Variants in DEF6 observed in about 807,000 individuals in gnomAD.
DEF6 encodes differentially expressed in FDCP 6 homolog.
In DEF6, 32 loss-of-function variants were observed where a neutral mutation model predicts 80.5. That is an observed-to-expected ratio of 0.40 (90% CI 0.30 to 0.53). The LOEUF (loss-of-function observed/expected upper bound fraction) is 0.53, where lower values mean the gene tolerates loss of function less well. DEF6 is among the 20% of genes least tolerant of loss of function. DEF6 has a pLI of 0.57. For synonymous variants in DEF6, 300 were observed against 337.9 expected (o/e 0.89, Z 1.23); for missense variants, 575 against 818.7 (o/e 0.70, Z 3.63).
rs182472710 is a variant in DEF6 at position 35,314,089 on chromosome 6, G to A, written c.807+1317G>A. 1.1e-3 allele frequency among the ~76,000 whole-genome samples: 173 copies of A among 152,076 alleles called. 1 individual carries two copies. Among genetic ancestry groups the A allele is most frequent in the African/African-American group, 4.0e-3 (166 of 41,458 alleles). On this transcript the variant is annotated intron_variant, in intron 5 of 10. Coordinates refer to ENST00000316637, the MANE Select transcript of DEF6 (RefSeq NM_022047.4). ...TTTATCAGGGTTCCCCTTTCTCCACGTCTTCTCCAGCATCTTTTTACAGAA... is the reference window on the plus strand; with the variant it reads ...TTTATCAGGGTTCCCCTTTCTCCACATCTTCTCCAGCATCTTTTTACAGAA...
chr6:35,310,647 G>A lies in DEF6; in HGVS notation c.423+3G>A, dbSNP rs757085688. The A allele has an allele frequency of 7.1e-5, 114 of 1,614,046 alleles. No individual in the cohort carries two copies. The highest frequency in any genetic ancestry group is 9.1e-5 in the Non-Finnish European group (107 of 1,180,040). On this transcript the variant is annotated splice_donor_region_variant and intron_variant, in intron 3 of 10. Coordinates refer to ENST00000316637, the MANE Select transcript of DEF6 (RefSeq NM_022047.4). ...CTCTGATCATGGTTCCTGATGAGGTGAGGGTGATGGCAGCCCCAGGGACTG... is the reference window on the plus strand; with the variant it reads ...CTCTGATCATGGTTCCTGATGAGGTAAGGGTGATGGCAGCCCCAGGGACTG...
chr6:35,311,670 C>T (rs930938965), intron 3 of DEF6, among the ~76,000 whole-genome samples: 5 of 152,326 alleles, frequency 3.3e-5, no homozygotes, highest in Admixed American at 2.6e-4. Flanking sequence ...ACAGAGTTAA[C>T]AACTGCAGCA....
rs926372259 is a variant in DEF6 at position 35,321,578 on chromosome 6, A to C, written c.*168A>C. ...CAGGATGGAACCTGGTTCACCCTTC[A>C]TACCAGCTCCAAGCCCCAGACCATG... is the stretch of plus-strand genomic sequence containing the variant. On this transcript the variant is annotated 3_prime_UTR_variant, in exon 11 of 11. Transcript: ENST00000316637. 1.2e-5 allele frequency: 7 copies of C among 594,440 alleles called. No individual in the cohort carries two copies. The highest frequency in any genetic ancestry group is 3.1e-5 in the Admixed American group (1 of 32,190). The allele number at this position is 594,440 out of a possible 1,614,324, so 36.8% of individuals were successfully genotyped here. A position where few individuals can be genotyped will look rare whatever the true frequency, so the allele number is the denominator to read the frequency against.
chr6:35,301,686 C>T (rs1356827455), intron 1 of DEF6, among the ~76,000 whole-genome samples: 3 of 151,414 alleles, frequency 2.0e-5, no homozygotes, highest in Non-Finnish European at 2.9e-5. Flanking sequence ...TTTCTAGTAA[C>T]CCACTAGAAT....
At chr6:35,304,789 C>A (rs1791368786) in intron 1 of DEF6, among the ~76,000 whole-genome samples, 5 of 151,902 alleles carry the variant, frequency 3.3e-5, no homozygotes, top group Admixed American at 2.6e-4. Flanking sequence ...AATGCTCACA[C>A]AAACAGTGAA....
Position 35,318,033 on chromosome 6 carries a change from G to A in DEF6, c.916+34G>A, listed in dbSNP as rs754706354. On this transcript the variant is annotated intron_variant, in intron 6 of 10. Transcript: ENST00000316637. This position sits in a 1 kb window ranked among gnomAD's most constrained non-coding sequence, Gnocchi z 5.1. ...TCGCTAGGTGGCTTGGGTCTGGGTG[G>A]TCCTTAGGCGCCTCATCTGTGAAAA... is the stretch of plus-strand genomic sequence containing the variant. The A allele has an allele frequency of 1.3e-6, 2 of 1,590,946 alleles. No homozygotes were observed. Among genetic ancestry groups the A allele is most frequent in the Non-Finnish European group, 1.7e-6 (2 of 1,168,044 alleles).
chr6:35,298,121 T>A (rs2150383764), intron 1 of DEF6, among the ~76,000 whole-genome samples, 169 bp downstream of exon 1: 1 of 152,310 alleles, frequency 6.6e-6, no homozygotes, highest in South Asian at 2.1e-4. Context: ...CGTAGCCTGG[T>A]AGATGCCGCT....
At position 35,310,447 on chromosome 6, in the gene DEF6, C is replaced by T. The variant is rs776366824; in HGVS notation, c.238-12C>T. 1.9e-6 allele frequency: 3 copies of T among 1,612,258 alleles called. No homozygotes were observed. The highest frequency in any genetic ancestry group is 2.5e-6 in the Non-Finnish European group (3 of 1,179,954). On this transcript the variant is annotated splice_polypyrimidine_tract_variant and intron_variant, in intron 2 of 10. Coordinates refer to ENST00000316637, the MANE Select transcript of DEF6 (RefSeq NM_022047.4). ...AGATATGCAGTCAGCTGATTTGCAG[C>T]CCTGGTGGCAGGTGGAGGAGGGGGC...
chr6:35,318,088 G>T lies in DEF6; in HGVS notation c.917-85G>T. ...GTGATAATACTTTGTCCAGCGGGAG[G>T]TTGGAGAGTGGACTCGGGAAACTCC... On this transcript the variant is annotated intron_variant, in intron 6 of 10. Coordinates refer to ENST00000316637, the MANE Select transcript of DEF6 (RefSeq NM_022047.4). The surrounding 1 kb of genome is among the most constrained non-coding windows in gnomAD (Gnocchi z 5.1). 6.5e-7 allele frequency: 1 copy of T among 1,543,924 alleles called. No individual in the cohort carries two copies. The highest frequency in any genetic ancestry group is 1.2e-5 in the South Asian group (1 of 82,816).
At chr6:35,308,736 TAATAAAATAA>T (rs1244823378) in intron 1 of DEF6, among the ~76,000 whole-genome samples, 14 of 141,886 alleles carry the variant, frequency 9.9e-5, no homozygotes, top group African/African-American at 2.4e-4. Flanking sequence ...ATAAATAAAA[TAATAAAATAA>T]AATAAAATAA....
chr6:35,318,725 G>A lies in DEF6; in HGVS notation c.1215+254G>A, dbSNP rs530615186. 5.9e-5 allele frequency among the ~76,000 whole-genome samples: 9 copies of A among 152,210 alleles called. No homozygotes were observed. In the East Asian group the frequency reaches 1.5e-3, roughly 26 times the overall value. ...TGGGGCGAGGTCCGAGCCCGTGGAT[G>A]GATGGGGCCTGGTTCGGAGACCTTG... is the stretch of plus-strand genomic sequence containing the variant. On this transcript the variant is annotated intron_variant, in intron 7 of 10. Coordinates refer to ENST00000316637, the MANE Select transcript of DEF6 (RefSeq NM_022047.4). The surrounding 1 kb of genome is among the most constrained non-coding windows in gnomAD (Gnocchi z 5.1).
chr6:35,306,282 G>A (rs1385184825), intron 1 of DEF6, among the ~76,000 whole-genome samples: 11 of 151,226 alleles, frequency 7.3e-5, no homozygotes, highest in East Asian at 3.9e-4. Context: ...AGGCCGAGGC[G>A]GGCGGAACAC....
chr6:35,301,360 C>T (rs1791312637), intron 1 of DEF6, among the ~76,000 whole-genome samples: 1 of 152,208 alleles, frequency 6.6e-6, no homozygotes, highest in African/African-American at 2.4e-5. Context: ...GACTCAGAAC[C>T]ACGCAGGCTT....
chr6:35,311,755 C>T (rs1022940346), intron 3 of DEF6, among the ~76,000 whole-genome samples: 1 of 152,196 alleles, frequency 6.6e-6, no homozygotes, highest in African/African-American at 2.4e-5. Flanking sequence ...CTCTACTCCC[C>T]ACTCCCCAAC....
At chr6:35,304,462 A>G (rs2150385318) in intron 1 of DEF6, among the ~76,000 whole-genome samples, 1 of 152,378 alleles carries the variant, frequency 6.6e-6, no homozygotes, top group African/African-American at 2.4e-5. Flanking sequence ...GGCTGCAGGA[A>G]CAGTAAGTGC....
rs776097423 is a variant in DEF6 at position 35,317,954 on chromosome 6, G to A, written c.871G>A (p.Glu291Lys). The A allele has an allele frequency of 6.2e-7, 1 of 1,614,014 alleles. No homozygotes were observed. The highest frequency in any genetic ancestry group is 8.5e-7 in the Non-Finnish European group (1 of 1,179,990). ...FCVKTANRTY[E>K]MSASDTRQRQ... Reference sequence around the variant, plus strand: ...TGTGAAGACAGCCAACCGCACGTATGAGATGAGCGCCTCAGACACGCGCCA... The same window carrying A: ...TGTGAAGACAGCCAACCGCACGTATAAGATGAGCGCCTCAGACACGCGCCA... The change falls in exon 6 of 11, where the codon GAG (glutamate) becomes AAG (lysine). Residue 291 changes from glutamate to lysine, a missense_variant. By Grantham distance (56) the Glu-to-Lys change is moderately conservative. Transcript: ENST00000316637.
At position 35,312,183 on chromosome 6, in the gene DEF6, A is replaced by G. The variant is rs998317034; in HGVS notation, c.424-119A>G. ...TAACATTCGGTCCTCTGGCCCCCTC[A>G]ACGCTCTGTCCCCTGTTTCCCTCTG... On this transcript the variant is annotated intron_variant, in intron 3 of 10. Coordinates refer to ENST00000316637, the MANE Select transcript of DEF6 (RefSeq NM_022047.4). The surrounding 1 kb of genome is among the most constrained non-coding windows in gnomAD (Gnocchi z 6.6). The G allele has an allele frequency of 2.0e-5, 16 of 817,910 alleles. No individual in the cohort carries two copies. Among genetic ancestry groups the G allele is most frequent in the South Asian group, 1.6e-4 (9 of 57,948 alleles). 50.7% of individuals were successfully genotyped at this position (817,910 alleles called of 1,614,324 possible).
rs1466047637 is a variant in DEF6, at chr6:35,312,380, C to T, written c.502C>T (p.Gln168Ter). Residue 168 changes from glutamine (Q) to a stop codon, truncating the protein, a stop_gained, in exon 4 of 11, where the codon CAG (glutamine) becomes TAG (stop). Transcript: ENST00000316637. LOFTEE classifies it high-confidence loss of function. This position sits in a 1 kb window ranked among gnomAD's most constrained non-coding sequence, Gnocchi z 6.6. The part of the protein sequence containing the change: ...SLGELEELLA[Q>*]EAQVAQTTGG... ...GGGTGAGCTGGAGGAGCTTCTGGCCCAGGAGGCCCAGGTGGCCCAGACCAC... is the reference window on the plus strand; with the variant it reads ...GGGTGAGCTGGAGGAGCTTCTGGCCTAGGAGGCCCAGGTGGCCCAGACCAC... 1 of 1,614,006 alleles carries T rather than the reference C, an allele frequency of 6.2e-7. No individual in the cohort carries two copies. Among genetic ancestry groups the T allele is most frequent in the Non-Finnish European group, 8.5e-7 (1 of 1,180,028 alleles).
Position 35,321,178 on chromosome 6 carries a change from C to T in DEF6, c.1673-9C>T. ...CTTTCTCCTTACTTGCCTGCCTTCTCTCTGCCAGATAAGCGTCCGGTCACC... is the reference window on the plus strand; with the variant it reads ...CTTTCTCCTTACTTGCCTGCCTTCTTTCTGCCAGATAAGCGTCCGGTCACC... On this transcript the variant is annotated splice_polypyrimidine_tract_variant and intron_variant, in intron 10 of 10. Coordinates refer to ENST00000316637, the MANE Select transcript of DEF6 (RefSeq NM_022047.4). 6 of 1,611,602 alleles carry T rather than the reference C, an allele frequency of 3.7e-6. No homozygotes were observed. Among genetic ancestry groups the T allele is most frequent in the Non-Finnish European group, 5.1e-6 (6 of 1,179,602 alleles).
Sources: gnomAD v4.1 joint callset for allele counts (sites outside exome capture counted in the v4.1 genomes callset) on GRCh38, gnomAD v4.1.1 for gene constraint, Gnocchi (gnomAD v3.1) non-coding constraint, MANE v1.5 for transcripts, NCBI Gene and HGNC (gene_info 2026-07-23, HGNC 2026-07-21) for gene names.